HYLS1: variants seen among roughly 807,000 people sequenced by gnomAD.
The protein encoded by HYLS1 is centriolar and ciliogenesis-associated protein HYLS1.
In HYLS1, 25 loss-of-function variants were observed where a neutral mutation model predicts 29.4. That is an observed-to-expected ratio of 0.85 (90% confidence interval 0.62 to 1.19). The LOEUF (loss-of-function observed/expected upper bound fraction) is 1.19, where lower values mean the gene tolerates loss of function less well. Ranked by LOEUF, HYLS1 falls within the 50% of genes most tolerant of loss-of-function variation. HYLS1 has a pLI of 0.00. For synonymous variants in HYLS1, 128 were observed against 126.7 expected (o/e 1.01, Z -0.07); for missense variants, 352 against 365.1 (o/e 0.96, Z 0.29).
chr11:125,886,919 CAAA>C (rs34048608), upstream of HYLS1: 3 of 84,770 alleles, frequency 3.5e-5, no homozygotes, highest in South Asian at 5.4e-4. Context: ...AACTCCGTCT[CAAA>C]AAAAAAAAAA....
In HYLS1 at chr11:125,896,333, G is replaced by A. The variant is rs749269536; in HGVS notation, c.-25-3011G>A. On this transcript the variant is annotated intron_variant, in intron 2 of 2. Coordinates refer to ENST00000425380, the MANE Select transcript of HYLS1 (RefSeq NM_001134793.2). Reference sequence around the variant, plus strand: ...CGAACCATACAGGTCTGCCCTGTCTGAAAAGAGAGCAAAGGGATACAACAG... The same window carrying A: ...CGAACCATACAGGTCTGCCCTGTCTAAAAAGAGAGCAAAGGGATACAACAG... The A allele has an allele frequency of 2.6e-6, 4 of 1,514,756 alleles. No homozygotes were observed. The South Asian group carries it at 4.9e-5, about 19-fold the overall frequency. The allele number at this position is 1,514,756 out of a possible 1,614,324, so 93.8% of individuals were successfully genotyped here.
At position 125,900,110 on chromosome 11, in the gene HYLS1, C is replaced by T; in HGVS notation, c.742C>T (p.Arg248Ter). The T allele has an allele frequency of 3.1e-6, 5 of 1,614,096 alleles. No homozygotes were observed. Among genetic ancestry groups the T allele is most frequent in the Non-Finnish European group, 4.2e-6 (5 of 1,180,030 alleles). ...RWGVREQMLC[R>*]AEPQSKPQHI... ...GGGTGTCCGAGAGCAGATGCTTTGT[C>T]GAGCAGAACCCCAATCCAAACCTCA... The change falls in exon 3 of 3, where the codon CGA becomes TGA. Residue 248 changes from arginine (R) to a stop codon, truncating the protein, a stop_gained. Coordinates refer to ENST00000425380, the MANE Select transcript of HYLS1 (RefSeq NM_001134793.2). LOFTEE classifies it high-confidence loss of function.
intron 2 of HYLS1, among the ~76,000 whole-genome samples, chr11:125,896,576 C>G (rs1944598061): frequency 6.6e-6 from 1 of 152,148 alleles, no homozygotes; most frequent in South Asian, 2.1e-4. Context: ...TTAAAGCAGT[C>G]AAAATTCAGG....
At chr11:125,885,324 G>A (rs1239650748), upstream of HYLS1, among the ~76,000 whole-genome samples, 2 of 152,058 alleles carry the variant, frequency 1.3e-5, no homozygotes, top group Non-Finnish European at 2.9e-5. Flanking sequence ...GGTGGCACAC[G>A]CCTGTAGTCC....
At position 125,899,858 on chromosome 11, in the gene HYLS1, T is replaced by G. The variant is rs1342204525; in HGVS notation, c.490T>G (p.Ser164Ala). The G allele has an allele frequency of 6.2e-7, 1 of 1,614,184 alleles. No individual in the cohort carries two copies. Among genetic ancestry groups the G allele is most frequent in the Non-Finnish European group, 8.5e-7 (1 of 1,180,046 alleles). ...FNLPHEYQGISQDQLICSLQR... is the reference protein window; with the variant it reads ...FNLPHEYQGIAQDQLICSLQR... The stretch of plus-strand genomic sequence containing the variant: ...CCTACCACATGAATACCAAGGAATT[T>G]CTCAAGATCAGCTCATTTGCTCTCT... The change falls in exon 3 of 3, where the codon TCT becomes GCT. Residue 164 changes from serine (S) to alanine (A), a missense_variant. Physicochemically the swap from Ser to Ala is moderately conservative, Grantham distance 99. Coordinates refer to ENST00000425380, the MANE Select transcript of HYLS1 (RefSeq NM_001134793.2).
At chr11:125,896,110 C>T (rs1422851441) in intron 2 of HYLS1, 1 of 1,614,228 alleles carries the variant, frequency 6.2e-7, no homozygotes, top group East Asian at 2.2e-5. Context: ...CGGCCATGAG[C>T]ACTGAAATCA....
At position 125,900,326 on chromosome 11, in the gene HYLS1, C is replaced by A. The variant is rs1944732842; in HGVS notation, c.*58C>A. 3 of 1,514,280 alleles carry A rather than the reference C, an allele frequency of 2.0e-6. No homozygotes were observed. The highest frequency in any genetic ancestry group is 2.7e-5 in the African/African-American group (2 of 72,910). The allele number at this position is 1,514,280 out of a possible 1,614,324, so 93.8% of individuals were successfully genotyped here. A position where few individuals can be genotyped will look rare whatever the true frequency, so the allele number is the denominator to read the frequency against. ...AGATAACCTAGCTCTTTATATCTTC[C>A]CTTTTAAATAGAAACAACTGTCTTG... On this transcript the variant is annotated 3_prime_UTR_variant, in exon 3 of 3. Coordinates refer to ENST00000425380, the MANE Select transcript of HYLS1 (RefSeq NM_001134793.2).
intron 1 of HYLS1, among the ~76,000 whole-genome samples, chr11:125,888,788 GAGA>G (rs1944357679): frequency 6.6e-5 from 1 of 15,208 alleles, no homozygotes; most frequent in South Asian, 3.7e-3. Context: ...AAAAAAAAAA[GAGA>G]AAAGAAAAAC....
intron 2 of HYLS1, chr11:125,894,165 C>T (rs779598027): frequency 6.2e-7 from 1 of 1,614,162 alleles, no homozygotes; most frequent in South Asian, 1.1e-5. Flanking sequence ...GTTTTGACAG[C>T]ATGATTAGCC....
intron 2 of HYLS1, among the ~76,000 whole-genome samples, chr11:125,897,544 A>G (rs1944625185): frequency 6.6e-6 from 1 of 151,272 alleles, no homozygotes; most frequent in Non-Finnish European, 1.5e-5. Context: ...AAATCCAGCA[A>G]CCTGAGAGTC....
intron 2 of HYLS1, chr11:125,894,158 T>C (rs757883325): frequency 4.3e-6 from 7 of 1,614,088 alleles, no homozygotes; most frequent in Admixed American, 1.7e-5. Flanking sequence ...CATGTGAGTT[T>C]TGACAGCATG....
intron 2 of HYLS1, chr11:125,895,874 G>C: frequency 6.2e-7 from 1 of 1,600,020 alleles, no homozygotes; most frequent in Non-Finnish European, 8.5e-7. Context: ...TCCTAGTATT[G>C]CTTGCTTTGA....
At chr11:125,885,922 C>G (rs1944297676), upstream of HYLS1, among the ~76,000 whole-genome samples, 1 of 152,284 alleles carries the variant, frequency 6.6e-6, no homozygotes, top group South Asian at 2.1e-4. Context: ...GTCACTGTCT[C>G]CCATCACCCC....
intron 2 of HYLS1, chr11:125,895,926 C>T (rs745510683): frequency 6.2e-7 from 1 of 1,613,352 alleles, no homozygotes; most frequent in South Asian, 1.1e-5. Flanking sequence ...GGCACTAACT[C>T]CTTTATCTGT....
chr11:125,899,669 A>C lies in HYLS1; in HGVS notation c.301A>C (p.Arg101=), dbSNP rs754088000. The C allele has an allele frequency of 5.0e-6, 8 of 1,614,132 alleles. No individual in the cohort carries two copies. The highest frequency in any genetic ancestry group is 6.8e-6 in the Non-Finnish European group (8 of 1,180,046). ...KPVMKRKVLR[R]KPDGEVLVTD... is the part of the protein sequence containing the mutation. ...AGTGATGAAGAGAAAGGTGCTGCGC[A>C]GAAAGCCAGATGGGGAAGTATTAGT... The change falls in exon 3 of 3, where the codon AGA becomes CGA. Residue 101 remains arginine, a synonymous_variant. Transcript: ENST00000425380.
chr11:125,884,854 A>G (rs531742773), upstream of HYLS1, among the ~76,000 whole-genome samples: 1 of 152,328 alleles, frequency 6.6e-6, no homozygotes, highest in Admixed American at 6.5e-5. Flanking sequence ...GAAATTTTCC[A>G]TAACAAATTT....
intron 2 of HYLS1, among the ~76,000 whole-genome samples, chr11:125,895,071 C>A (rs1243009411): frequency 3.4e-5 from 5 of 148,338 alleles, no homozygotes; most frequent in Non-Finnish European, 7.4e-5. Flanking sequence ...TTTTTTAAGA[C>A]AGTCTCCCTC....
intron 1 of HYLS1, among the ~76,000 whole-genome samples, chr11:125,890,514 A>G (rs1208808616): frequency 5.3e-5 from 8 of 152,168 alleles, no homozygotes; most frequent in African/African-American, 1.9e-4. Flanking sequence ...ATAACTCTGC[A>G]ATAGCCTCCC....
rs1348888368 is a variant in HYLS1 at position 125,895,436 on chromosome 11, A to G, written c.-25-3908A>G. On this transcript the variant is annotated intron_variant, in intron 2 of 2. Coordinates refer to ENST00000425380, the MANE Select transcript of HYLS1 (RefSeq NM_001134793.2). ...GGCTCTGGCCCACTAGCTGTACTTG[A>G]GCAGATAGAATAGTCCTCTGAAAAT... 8 of 1,613,982 alleles carry G rather than the reference A, an allele frequency of 5.0e-6. No individual in the cohort carries two copies. Among genetic ancestry groups the G allele is most frequent in the Non-Finnish European group, 1.7e-6 (2 of 1,180,012 alleles).
Sources: allele counts gnomAD v4.1 joint callset (sites outside exome capture counted in the v4.1 genomes callset), GRCh38; gene constraint gnomAD v4.1.1; transcripts MANE v1.5; gene names NCBI Gene and HGNC (gene_info 2026-07-23, HGNC 2026-07-21).